Variants in ADK observed in about 807,000 individuals in gnomAD.
ADK encodes adenosine kinase.
In ADK, 24 loss-of-function variants were observed where a neutral mutation model predicts 44.7. The observed-to-expected ratio is 0.54, with a 90% CI of 0.39 to 0.76. The LOEUF is 0.76. ADK is among the 30% of genes least tolerant of loss of function. ADK has a pLI of 0.00. For synonymous variants in ADK, 128 were observed against 142.6 expected, an observed-to-expected ratio of 0.90 and a Z score of 0.73; for missense variants, 321 against 425.1, an observed-to-expected ratio of 0.76 and a Z score of 2.15.
At chr10:74,299,866 A>G (rs115450115) in intron 3 of ADK, among the ~76,000 whole-genome samples, 1,806 of 152,242 alleles carry the variant, frequency 0.012, 42 homozygotes, top group African/African-American at 0.041. Flanking sequence ...TTTAAGCTGT[A>G]TATTTGACTT....
intron 3 of ADK, among the ~76,000 whole-genome samples, chr10:74,284,833 C>T (rs965759059): frequency 6.6e-6 from 1 of 152,182 alleles, no homozygotes; most frequent in Non-Finnish European, 1.5e-5. Context: ...TCCTCAAATT[C>T]GTCTTTTACA....
At chr10:74,666,006 A>G (rs1027259700) in intron 9 of ADK, among the ~76,000 whole-genome samples, 2 of 152,184 alleles carry the variant, frequency 1.3e-5, no homozygotes, top group African/African-American at 4.8e-5. Context: ...TCTAGTGCTA[A>G]AATATATAGT....
intron 6 of ADK, among the ~76,000 whole-genome samples, chr10:74,517,953 A>G (rs1490393863): frequency 1.3e-5 from 2 of 152,168 alleles, no homozygotes; most frequent in South Asian, 4.1e-4. Flanking sequence ...CATTATCTTA[A>G]TCGTTGTCAG....
intron 3 of ADK, among the ~76,000 whole-genome samples, chr10:74,290,991 A>C (rs1222325211): frequency 6.6e-6 from 1 of 152,192 alleles, no homozygotes; most frequent in Non-Finnish European, 1.5e-5. Context: ...AATAATAATA[A>C]GTGCTATGGG....
At chr10:74,610,797 A>G (rs1852511894) in intron 9 of ADK, among the ~76,000 whole-genome samples, 1 of 152,076 alleles carries the variant, frequency 6.6e-6, no homozygotes, top group Admixed American at 6.6e-5. Context: ...AGCAACTACT[A>G]ATGAGATCTT....
At chr10:74,567,699 G>GTTTTTTTT (rs56042541) in intron 7 of ADK, among the ~76,000 whole-genome samples, 60 of 112,334 alleles carry the variant, frequency 5.3e-4, no homozygotes, top group Non-Finnish European at 7.7e-4. Flanking sequence ...TGTTTTTTTT[G>GTTTTTTTT]TTTTTTTTTT....
At chr10:74,258,946 T>A (rs1032884873) in intron 3 of ADK, among the ~76,000 whole-genome samples, 1 of 115,850 alleles carries the variant, frequency 8.6e-6, no homozygotes, top group African/African-American at 3.3e-5. Flanking sequence ...TTTGTTTTTG[T>A]GTTTTTTTTT....
chr10:74,417,459 T>C (rs540278108), intron 6 of ADK, among the ~76,000 whole-genome samples: 6 of 152,248 alleles, frequency 3.9e-5, no homozygotes, highest in African/African-American at 1.4e-4. Flanking sequence ...GGACAATACT[T>C]TGTAGGAAGT....
chr10:74,701,059 T>A (rs1856402411), intron 10 of ADK, among the ~76,000 whole-genome samples: 1 of 152,226 alleles, frequency 6.6e-6, no homozygotes, highest in Non-Finnish European at 1.5e-5. Flanking sequence ...AGATTTGGAT[T>A]TTTTTCTTTT....
chr10:74,696,837 G>A (rs997214989), intron 10 of ADK, among the ~76,000 whole-genome samples: 1 of 152,138 alleles, frequency 6.6e-6, no homozygotes, highest in Non-Finnish European at 1.5e-5. Flanking sequence ...GAAGGCCTGA[G>A]GGGTCCTTAT....
intron 8 of ADK, among the ~76,000 whole-genome samples, chr10:74,597,557 T>A (rs1466155107): frequency 6.6e-6 from 1 of 152,230 alleles, no homozygotes; most frequent in East Asian, 1.9e-4. Flanking sequence ...CTTTATACTT[T>A]TGAAAATTAT....
intron 9 of ADK, among the ~76,000 whole-genome samples, chr10:74,647,102 TA>T (rs879317276): frequency 0.035 from 5,113 of 145,196 alleles, 268 homozygotes; most frequent in African/African-American, 0.12. Context: ...GTCATTTCCT[TA>T]AAAAAAAAAA....
At chr10:74,330,246 A>G (rs534685303) in intron 4 of ADK, among the ~76,000 whole-genome samples, 62 of 152,256 alleles carry the variant, frequency 4.1e-4, no homozygotes, top group African/African-American at 1.4e-3. Context: ...ACCTACTCCA[A>G]TATGAAAAAT....
At chr10:74,506,965 C>T (rs776841318) in intron 6 of ADK, among the ~76,000 whole-genome samples, 2 of 152,136 alleles carry the variant, frequency 1.3e-5, no homozygotes, top group African/African-American at 4.8e-5. Flanking sequence ...TTTTTACACA[C>T]AAGTGGATCC....
intron 4 of ADK, among the ~76,000 whole-genome samples, chr10:74,346,355 A>G (rs1841764774): frequency 6.6e-6 from 1 of 150,714 alleles, no homozygotes; most frequent in Non-Finnish European, 1.5e-5. Flanking sequence ...CACTTATAGT[A>G]CAGTATACTT....
At chr10:74,399,268 G>A (rs563687358) in intron 6 of ADK, among the ~76,000 whole-genome samples, 32 of 150,384 alleles carry the variant, frequency 2.1e-4, no homozygotes, top group Non-Finnish European at 3.0e-4. Flanking sequence ...AAAGCATCTC[G>A]TATGCATGTA....
At chr10:74,208,332 A>C (rs1843678717) in intron 2 of ADK, among the ~76,000 whole-genome samples, 1 of 152,236 alleles carries the variant, frequency 6.6e-6, no homozygotes, top group Non-Finnish European at 1.5e-5. Flanking sequence ...TGGAGCATGC[A>C]GCCCTGGCTG....
intron 6 of ADK, among the ~76,000 whole-genome samples, chr10:74,489,031 CA>C (rs1277903048): frequency 6.6e-6 from 1 of 151,766 alleles, no homozygotes; most frequent in Non-Finnish European, 1.5e-5. Context: ...AGGAAAGAGC[CA>C]AGTACATAGT....
intron 7 of ADK, among the ~76,000 whole-genome samples, chr10:74,540,943 A>G (rs910682270): frequency 3.9e-5 from 6 of 152,212 alleles, no homozygotes; most frequent in Non-Finnish European, 8.8e-5. Flanking sequence ...CATGAGGGAA[A>G]TAATTAGCAA....
Sources: gnomAD v4.1 joint callset for allele counts (sites outside exome capture counted in the v4.1 genomes callset) on GRCh38, gnomAD v4.1.1 for gene constraint, MANE v1.5 for transcripts, NCBI Gene and HGNC (gene_info 2026-07-23, HGNC 2026-07-21) for gene names.